TBC1D5: variants seen among roughly 807,000 people sequenced by gnomAD.
TBC1D5 encodes the protein TBC1 domain family, member 5.
Under a neutral mutation model 100.3 loss-of-function variants are expected in TBC1D5, and 75 were observed. That is an observed-to-expected ratio of 0.75 (90% confidence interval 0.62 to 0.91). The LOEUF (loss-of-function observed/expected upper bound fraction) is 0.91. Among genes scored for constraint, TBC1D5 ranks in the 40% least tolerant of loss-of-function variants. TBC1D5 has a pLI of 0.00. For missense variants in TBC1D5, 910 were observed against 942.4 expected (o/e 0.97, Z 0.45); for synonymous variants, 323 against 325.6 (o/e 0.99, Z 0.09).
chr3:17,333,499 C>T (rs2087185825), intron 13 of TBC1D5: 1 of 151,954 alleles, frequency 6.6e-6, no homozygotes. Context: ...ATTAAAAATA[C>T]AATAGAGATG....
intron 3 of TBC1D5, among the ~76,000 whole-genome samples, chr3:17,456,153 C>T (rs1306040601): frequency 2.0e-5 from 3 of 152,048 alleles, no homozygotes; most frequent in Admixed American, 2.0e-4. Context: ...CAAATAAAAA[C>T]ATGATTAAAG....
At chr3:17,521,864 A>C (rs2096066995) in intron 2 of TBC1D5, among the ~76,000 whole-genome samples, 1 of 152,122 alleles carries the variant, frequency 6.6e-6, no homozygotes, top group Non-Finnish European at 1.5e-5. Context: ...AAATAATGCA[A>C]AATGTGAAAA....
chr3:17,734,010 A>C (rs1158181026), intron 1 of TBC1D5, among the ~76,000 whole-genome samples: 1 of 152,192 alleles, frequency 6.6e-6, no homozygotes, highest in Non-Finnish European at 1.5e-5. Flanking sequence ...CCTGCCTCAA[A>C]AAAAAATGAA....
chr3:17,493,024 G>C (rs1003834289), intron 3 of TBC1D5, among the ~76,000 whole-genome samples: 5 of 148,804 alleles, frequency 3.4e-5, no homozygotes, highest in East Asian at 2.0e-4. Context: ...TTGTTTCATA[G>C]TGTCATTGGT....
chr3:17,157,874 G>A (rs1323268978), exon 22 of TBC1D5: 1 of 152,200 alleles, frequency 6.6e-6, no homozygotes. Context: ...ACTCCCTGAA[G>A]CAGCTTCCTT....
intron 21 of TBC1D5, among the ~76,000 whole-genome samples, chr3:17,166,276 G>T (rs2066585380): frequency 6.6e-6 from 1 of 152,150 alleles, no homozygotes; most frequent in South Asian, 2.1e-4. Flanking sequence ...GCCCTCTATG[G>T]ACCCCTGCCA....
At chr3:17,169,031 C>A (rs886428225) in intron 19 of TBC1D5, among the ~76,000 whole-genome samples, 3 of 152,214 alleles carry the variant, frequency 2.0e-5, no homozygotes, top group African/African-American at 4.8e-5. Context: ...TATTGTTCAA[C>A]TTTCTGCTCC....
intron 1 of TBC1D5, among the ~76,000 whole-genome samples, chr3:17,628,015 A>G (rs137994478): frequency 6.6e-6 from 1 of 152,134 alleles, no homozygotes; most frequent in African/African-American, 2.4e-5. Context: ...TATTTCCTAA[A>G]TGCTATAAAA....
chr3:17,369,048 C>A (rs761665476), intron 13 of TBC1D5, among the ~76,000 whole-genome samples: 14 of 152,086 alleles, frequency 9.2e-5, no homozygotes, highest in East Asian at 1.9e-4. Context: ...TATTTTAATT[C>A]ATTTCCATGA....
chr3:17,323,440 A>G lies in TBC1D5; in HGVS notation c.996-15306T>C, dbSNP rs561688534. Among the ~76,000 whole-genome samples, 19 of 152,348 alleles carry G rather than the reference A, an allele frequency of 1.2e-4. No homozygotes were observed. The South Asian group carries it at 3.7e-3, about 30-fold the overall frequency. On this transcript the variant is annotated intron_variant, in intron 13 of 21. Coordinates refer to ENST00000253692, the Ensembl canonical transcript of TBC1D5. ...GGAAGAAATAAAACTGTAAGTGCAGATGACATAATTGTCTACAAAATCCCA... is the reference window on the plus strand; with the variant it reads ...GGAAGAAATAAAACTGTAAGTGCAGGTGACATAATTGTCTACAAAATCCCA...
At chr3:17,283,786 G>A (rs1559548398) in intron 15 of TBC1D5, among the ~76,000 whole-genome samples, 1 of 151,788 alleles carries the variant, frequency 6.6e-6, no homozygotes, top group African/African-American at 2.4e-5. Flanking sequence ...AGACTGCATA[G>A]GAAGAACAAA....
chr3:17,370,824 C>T (rs1337946917), intron 13 of TBC1D5, among the ~76,000 whole-genome samples: 1 of 152,154 alleles, frequency 6.6e-6, no homozygotes, highest in Non-Finnish European at 1.5e-5. Context: ...AATGAATTCA[C>T]ATTTATTGAG....
chr3:17,635,052 A>C (rs73167503), intron 1 of TBC1D5, among the ~76,000 whole-genome samples: 7,644 of 152,260 alleles, frequency 0.05, 609 homozygotes, highest in African/African-American at 0.17. Context: ...TAAATCTACA[A>C]CTTTCAGCAG....
At chr3:17,573,539 A>C (rs2096639672) in intron 2 of TBC1D5, among the ~76,000 whole-genome samples, 1 of 152,104 alleles carries the variant, frequency 6.6e-6, no homozygotes, top group Non-Finnish European at 1.5e-5. Context: ...GGTATAACCC[A>C]CAAGACTCTT....
At chr3:17,672,709 T>C (rs1421659362) in intron 1 of TBC1D5, 1 of 152,170 alleles carries the variant, frequency 6.6e-6, no homozygotes, top group East Asian at 1.9e-4. Context: ...GATCGGCCTG[T>C]AAAGACAGGA....
chr3:17,655,729 A>T (rs943641041), intron 1 of TBC1D5, among the ~76,000 whole-genome samples: 12 of 152,194 alleles, frequency 7.9e-5, no homozygotes, highest in African/African-American at 2.9e-4. Context: ...TTCCAAAATC[A>T]GAAAAAAAAT....
chr3:17,376,843 T>C (rs893880062), intron 9 of TBC1D5, among the ~76,000 whole-genome samples: 3 of 152,114 alleles, frequency 2.0e-5, no homozygotes, highest in Non-Finnish European at 2.9e-5. Flanking sequence ...GGAGAGCAGT[T>C]CTCTTTTAAA....
intron 1 of TBC1D5, among the ~76,000 whole-genome samples, chr3:17,727,559 T>C (rs2076227967): frequency 6.6e-6 from 1 of 152,182 alleles, no homozygotes; most frequent in African/African-American, 2.4e-5. Context: ...GTTTATTAAA[T>C]TGTTAATCGT....
chr3:17,521,302 C>T (rs577886217), intron 2 of TBC1D5, among the ~76,000 whole-genome samples: 1 of 152,168 alleles, frequency 6.6e-6, no homozygotes, highest in Admixed American at 6.6e-5. Context: ...AAAACCTCTC[C>T]CCTTCCACCT....
Sources: allele counts gnomAD v4.1 joint callset (sites outside exome capture counted in the v4.1 genomes callset), GRCh38; gene constraint gnomAD v4.1.1; transcripts MANE v1.5; gene names NCBI Gene and HGNC (gene_info 2026-07-23, HGNC 2026-07-21).